UBXN2A: variants seen among roughly 807,000 people sequenced by gnomAD.
The protein encoded by UBXN2A is UBX domain-containing protein 2A.
UBXN2A carries 28 observed loss-of-function variants against 28.4 expected under a neutral mutation model. The observed-to-expected ratio is 0.99, with a 90% CI of 0.73 to 1.35. UBXN2A has a LOEUF of 1.35. Among genes scored for constraint, UBXN2A ranks in the 40% most tolerant of loss-of-function variants. The probability of loss-of-function intolerance (pLI) is 0.00; values close to 1 mark genes in which losing one functional copy is unlikely to be tolerated. For missense variants in UBXN2A, 253 were observed against 297.9 expected, an observed-to-expected ratio of 0.85 and a Z score of 1.11; for synonymous variants, 97 against 103.6, an observed-to-expected ratio of 0.94 and a Z score of 0.39.
At chr2:23,949,314 G>A (rs1706248783) in intron 1 of UBXN2A, among the ~76,000 whole-genome samples, 1 of 151,828 alleles carries the variant, frequency 6.6e-6, no homozygotes, top group African/African-American at 2.4e-5. Context: ...GCTCACGCTT[G>A]TAATCCCAGC....
intron 3 of UBXN2A, among the ~76,000 whole-genome samples, chr2:23,974,976 CA>C (rs763814077): frequency 1.9e-3 from 233 of 124,716 alleles, no homozygotes; most frequent in Middle Eastern, 4.2e-3. Flanking sequence ...AAGACTGTCT[CA>C]AAAAAAAAAA....
intron 5 of UBXN2A, among the ~76,000 whole-genome samples, chr2:23,984,452 T>C (rs961035188): frequency 6.6e-6 from 1 of 152,132 alleles, no homozygotes; most frequent in Non-Finnish European, 1.5e-5. Flanking sequence ...TATATGTAGC[T>C]TACAAATTAC....
chr2:23,944,170 G>A, intron 1 of UBXN2A: 1 of 1,226,332 alleles, frequency 8.2e-7, no homozygotes, highest in Non-Finnish European at 1.2e-6. Context: ...CTGTGTCTGG[G>A]GCCAGCACTG....
At chr2:23,958,442 A>G (rs1229747546) in intron 2 of UBXN2A, 87 bp downstream of exon 2, 1 of 1,321,206 alleles carries the variant, frequency 7.6e-7, no homozygotes, top group Non-Finnish European at 1.0e-6. Flanking sequence ...CAGAGATAGT[A>G]GAGTACGTTT....
chr2:23,929,411 T>C (rs1179638819), intron 1 of UBXN2A, among the ~76,000 whole-genome samples: 1 of 148,326 alleles, frequency 6.7e-6, no homozygotes, highest in South Asian at 2.1e-4. Flanking sequence ...CAAAAAAATA[T>C]TTAAAAAAAA....
intron 2 of UBXN2A, among the ~76,000 whole-genome samples, chr2:23,964,964 T>A (rs970273944): frequency 6.6e-6 from 1 of 152,100 alleles, no homozygotes; most frequent in Non-Finnish European, 1.5e-5. Context: ...GGGCATATGG[T>A]AAACCCTCAT....
chr2:23,955,107 A>G (rs552359085), intron 1 of UBXN2A, among the ~76,000 whole-genome samples: 2 of 151,756 alleles, frequency 1.3e-5, no homozygotes, highest in South Asian at 2.1e-4. Flanking sequence ...TAATTTTTGT[A>G]TTTTTAGTAG....
At chr2:23,994,704 C>T (rs1397472891) in intron 6 of UBXN2A, among the ~76,000 whole-genome samples, 1 of 152,178 alleles carries the variant, frequency 6.6e-6, no homozygotes, top group Non-Finnish European at 1.5e-5. Flanking sequence ...TGGATTTTAG[C>T]ATACCTTATA....
chr2:23,971,077 G>A (rs10166036), intron 2 of UBXN2A, among the ~76,000 whole-genome samples, 199 bp from the exon 3 acceptor site: 111,244 of 152,040 alleles, frequency 0.73, 41,143 homozygotes, highest in East Asian at 0.85. Flanking sequence ...CTAAATGTTA[G>A]TAGAGCTGAG....
chr2:23,988,326 G>T (rs553377081), intron 6 of UBXN2A, among the ~76,000 whole-genome samples: 1 of 152,172 alleles, frequency 6.6e-6, no homozygotes, highest in African/African-American at 2.4e-5. Context: ...CTAATTCAGG[G>T]TTTTCCATTT....
chr2:23,941,020 T>TA (rs1178028649), intron 1 of UBXN2A, among the ~76,000 whole-genome samples: 12 of 152,228 alleles, frequency 7.9e-5, no homozygotes, highest in South Asian at 2.1e-4. Flanking sequence ...AGTCCAGTGA[T>TA]ACAAAGTATG....
chr2:23,927,748 G>A (rs1390007512), intron 1 of UBXN2A: 1 of 151,740 alleles, frequency 6.6e-6, no homozygotes, highest in Non-Finnish European at 1.5e-5. Context: ...TACCCTGTAA[G>A]AGCCGCCTCT....
At chr2:23,978,425 C>T (rs1392316660) in intron 4 of UBXN2A, among the ~76,000 whole-genome samples, 2 of 151,978 alleles carry the variant, frequency 1.3e-5, no homozygotes, top group Admixed American at 6.6e-5. Context: ...GTGCAGATCA[C>T]GAGGTCAGGA....
chr2:23,964,111 G>A (rs1707057875), intron 2 of UBXN2A, among the ~76,000 whole-genome samples: 1 of 149,838 alleles, frequency 6.7e-6, no homozygotes, highest in Non-Finnish European at 1.5e-5. Context: ...CTCCATTCTG[G>A]GTGACAGAGC....
chr2:23,994,775 C>T (rs1708469515), intron 6 of UBXN2A, among the ~76,000 whole-genome samples: 1 of 152,254 alleles, frequency 6.6e-6, no homozygotes, highest in South Asian at 2.1e-4. Context: ...ATGACATCAT[C>T]TTCCTCCAAA....
At chr2:23,977,807 T>C (rs1349882379) in intron 4 of UBXN2A, among the ~76,000 whole-genome samples, 1 of 151,976 alleles carries the variant, frequency 6.6e-6, no homozygotes, top group East Asian at 1.9e-4. Context: ...TTTTATAAGA[T>C]GAATTTTCTT....
chr2:23,966,693 C>T (rs1410346450), intron 2 of UBXN2A, among the ~76,000 whole-genome samples: 71 of 150,300 alleles, frequency 4.7e-4, no homozygotes, highest in African/African-American at 1.6e-3. Flanking sequence ...CCTTGTGATC[C>T]GCCCACCTTG....
rs1318586945 is a variant in UBXN2A at position 23,977,132 on chromosome 2, G to A, written c.287+57G>A. The A allele has an allele frequency of 4.3e-6, 6 of 1,401,964 alleles. No individual in the cohort carries two copies. In the African/African-American group the frequency reaches 5.7e-5, roughly 13 times the overall value. The allele number at this position is 1,401,964 out of a possible 1,614,324, so 86.8% of individuals were successfully genotyped here. Reference sequence around the variant, plus strand: ...TAAACCCAAAACTTTGGCAGGCTGTGGCGAGAGGATTGCCTGAGCTCAGGA... The same window carrying A: ...TAAACCCAAAACTTTGGCAGGCTGTAGCGAGAGGATTGCCTGAGCTCAGGA... On this transcript the variant is annotated intron_variant, in intron 4 of 6. Coordinates refer to ENST00000309033, the MANE Select transcript of UBXN2A (RefSeq NM_181713.4).
rs1708757980 is a variant in UBXN2A at position 24,003,795 on chromosome 2, G to C, written c.*3928G>C. On this transcript the variant is annotated 3_prime_UTR_variant, in exon 7 of 7. Transcript: ENST00000309033. ...TATCTTTCTGATATAGAAAATAACA[G>C]GATGACAGTTAATACATGTTCAGGA... 1 of 150,472 alleles carries C rather than the reference G, an allele frequency of 6.6e-6. No homozygotes were observed. Among genetic ancestry groups the C allele is most frequent in the Admixed American group, 6.6e-5 (1 of 15,106 alleles). The allele number at this position is 150,472 out of a possible 1,614,324, so 9.3% of individuals were successfully genotyped here.
Sources: gnomAD v4.1 joint callset for allele counts (sites outside exome capture counted in the v4.1 genomes callset) on GRCh38, gnomAD v4.1.1 for gene constraint, MANE v1.5 for transcripts, NCBI Gene and HGNC (gene_info 2026-07-23, HGNC 2026-07-21) for gene names.